The following MCF2L2 variants were observed in gnomAD, a reference collection of about 807,000 sequenced individuals.
MCF2L2 encodes MCF.2 cell line derived transforming sequence-like 2, also known as probable guanine nucleotide exchange factor MCF2L2.
Under a neutral mutation model 150.2 loss-of-function variants are expected in MCF2L2, and 102 were observed. The observed-to-expected ratio is 0.68, with a 90% CI of 0.58 to 0.80. MCF2L2 has a LOEUF of 0.80. Ranked by LOEUF, MCF2L2 falls within the 30% of genes least tolerant of loss-of-function variation. The pLI is 0.00. For missense variants in MCF2L2, 1,256 were observed against 1,372.8 expected, an observed-to-expected ratio of 0.91 and a Z score of 1.34; for synonymous variants, 465 against 491.3, an observed-to-expected ratio of 0.95 and a Z score of 0.71.
intron 5 of MCF2L2, among the ~76,000 whole-genome samples, chr3:183,326,099 G>T (rs1169590058): frequency 6.6e-6 from 1 of 151,830 alleles, no homozygotes; most frequent in Non-Finnish European, 1.5e-5. Flanking sequence ...AAAGAAGAGT[G>T]TGGTAATGAC....
At chr3:183,414,858 C>T (rs1023612876) in intron 1 of MCF2L2, among the ~76,000 whole-genome samples, 1 of 152,114 alleles carries the variant, frequency 6.6e-6, no homozygotes, top group African/African-American at 2.4e-5. Flanking sequence ...TGAATTTTCA[C>T]ATTTCCTTCT....
intron 3 of MCF2L2, among the ~76,000 whole-genome samples, chr3:183,360,114 C>T (rs972515200): frequency 3.3e-5 from 5 of 152,096 alleles, no homozygotes; most frequent in Admixed American, 6.5e-5. Flanking sequence ...CTAGAAGACA[C>T]GGTGAAAATG....
intron 2 of MCF2L2, among the ~76,000 whole-genome samples, chr3:183,386,766 A>G (rs1241807442): frequency 6.6e-6 from 1 of 152,246 alleles, no homozygotes; most frequent in Non-Finnish European, 1.5e-5. Flanking sequence ...AGCAACAACT[A>G]TACAGGCCCC....
chr3:183,260,137 C>G (rs1030840019), intron 15 of MCF2L2, among the ~76,000 whole-genome samples: 1 of 151,918 alleles, frequency 6.6e-6, no homozygotes, highest in Non-Finnish European at 1.5e-5. Flanking sequence ...GCCACAGGGT[C>G]TGGAATTTGT....
Position 183,179,583 on chromosome 3 carries a change from T to G in MCF2L2, c.3215A>C (p.Glu1072Ala). The G allele has an allele frequency of 6.2e-7, 1 of 1,614,114 alleles. No homozygotes were observed. Among genetic ancestry groups the G allele is most frequent in the Non-Finnish European group, 8.5e-7 (1 of 1,179,968 alleles). Residue 1072 changes from glutamate to alanine, a missense_variant, in exon 29 of 30, where the codon GAG (glutamate) becomes GCG (alanine). Glu to Ala is a moderately radical substitution (Grantham distance 107). Coordinates refer to ENST00000328913, the MANE Select transcript of MCF2L2 (RefSeq NM_015078.4). The surrounding 1 kb of genome is among the most constrained non-coding windows in gnomAD (Gnocchi z 4.2). ...SQGEKEERDE[E>A]ETATRSTEEE... ...TTTCCTCGCTCACACTCACGTTTCC[T>G]CCTCATCGCGTTCTTCTTTTTCTCC... is the stretch of plus-strand genomic sequence containing the variant.
At chr3:183,189,514 C>T (rs945249899) in intron 27 of MCF2L2, among the ~76,000 whole-genome samples, 2 of 152,186 alleles carry the variant, frequency 1.3e-5, no homozygotes, top group African/African-American at 4.8e-5. Context: ...AAGTGAATCT[C>T]ACCTTCTTCC....
At position 183,228,375 on chromosome 3, in the gene MCF2L2, A is replaced by G. The variant is rs1233385691; in HGVS notation, c.2046-9T>C. 1.9e-6 allele frequency: 3 copies of G among 1,585,942 alleles called. No individual in the cohort carries two copies. In the African/African-American group the frequency reaches 4.0e-5, roughly 21 times the overall value. ...ACTCTTTTAGAAAAGTCCTAGAAAA[A>G]TAAAAGTATACAAGTAATAATGTTT... On this transcript the variant is annotated splice_polypyrimidine_tract_variant and intron_variant, in intron 17 of 29. Transcript: ENST00000328913.
intron 7 of MCF2L2, among the ~76,000 whole-genome samples, chr3:183,314,528 G>A (rs1729517888): frequency 6.6e-6 from 1 of 152,024 alleles, no homozygotes; most frequent in African/African-American, 2.4e-5. Flanking sequence ...TTGATTGTTT[G>A]GGCGACCAGA....
Position 183,228,293 on chromosome 3 carries a change from T to G in MCF2L2, c.2115+4A>C. 1.2e-6 allele frequency: 2 copies of G among 1,610,906 alleles called. No homozygotes were observed. The highest frequency in any genetic ancestry group is 3.3e-5 in the Admixed American group (2 of 59,992). ...ATGATTATTTACTGGGAGTACAGAC[T>G]TACTCTCTTGAGAAAGCAATGTGCC... On this transcript the variant is annotated splice_donor_region_variant and intron_variant, in intron 18 of 29. Coordinates refer to ENST00000328913, the MANE Select transcript of MCF2L2 (RefSeq NM_015078.4).
intron 1 of MCF2L2, among the ~76,000 whole-genome samples, chr3:183,404,601 G>C (rs897534403): frequency 3.9e-5 from 6 of 152,182 alleles, no homozygotes; most frequent in African/African-American, 1.4e-4. Flanking sequence ...GGTGGCTCAC[G>C]CCTGTAATCC....
intron 5 of MCF2L2, among the ~76,000 whole-genome samples, chr3:183,336,899 A>G (rs1011340031): frequency 6.6e-6 from 1 of 151,024 alleles, no homozygotes; most frequent in East Asian, 1.9e-4. Flanking sequence ...TATTTCCTAG[A>G]AAGTTCCTTT....
chr3:183,281,204 G>A (rs1025668190), intron 14 of MCF2L2, among the ~76,000 whole-genome samples: 11 of 152,122 alleles, frequency 7.2e-5, no homozygotes, highest in African/African-American at 2.2e-4. Context: ...GGAGAAGGGT[G>A]AGAAGAAGGG....
Position 183,270,205 on chromosome 3 carries a change from C to A in MCF2L2, c.1862+6667G>T. On this transcript the variant is annotated intron_variant, in intron 15 of 29. Coordinates refer to ENST00000328913, the MANE Select transcript of MCF2L2 (RefSeq NM_015078.4). The surrounding 1 kb of genome is among the most constrained non-coding windows in gnomAD (Gnocchi z 4.5). ...CTGTTTGCCTTAGGAACTCCTAATC[C>A]ACTGGAGGGAGAAGAACTACAAAGA... 1.2e-6 allele frequency: 2 copies of A among 1,614,122 alleles called. No individual in the cohort carries two copies. Among genetic ancestry groups the A allele is most frequent in the Non-Finnish European group, 1.7e-6 (2 of 1,180,020 alleles).
At chr3:183,298,960 T>G in intron 11 of MCF2L2, 1 of 149,692 alleles carries the variant, frequency 6.7e-6, no homozygotes, top group Non-Finnish European at 1.5e-5. Flanking sequence ...TGGGATGAGG[T>G]AAGCGCCTGG....
chr3:183,338,933 GAA>G lies in MCF2L2; in HGVS notation c.367-16_367-15del. ...TGGAAATGCCACCTGCAAGCATCAGGAAAAGTGTCAGGAGGAGAGAGAAAAAT... is the reference window on the plus strand; with the variant it reads ...TGGAAATGCCACCTGCAAGCATCAGGAAGTGTCAGGAGGAGAGAGAAAAAT... On this transcript the variant is annotated splice_polypyrimidine_tract_variant and intron_variant, in intron 4 of 29. Transcript: ENST00000328913. 1 of 1,593,004 alleles carries G rather than the reference GAA, an allele frequency of 6.3e-7. No homozygotes were observed. The highest frequency in any genetic ancestry group is 8.6e-7 in the Non-Finnish European group (1 of 1,164,886).
chr3:183,252,501 A>G (rs747141484), intron 15 of MCF2L2, among the ~76,000 whole-genome samples: 2 of 152,170 alleles, frequency 1.3e-5, no homozygotes, highest in Non-Finnish European at 2.9e-5. Flanking sequence ...AATGAACAAC[A>G]GTTTTCATTT....
At chr3:183,180,221 T>C in intron 27 of MCF2L2, 62 bp from the exon 28 acceptor site, 1 of 1,066,990 alleles carries the variant, frequency 9.4e-7, no homozygotes, top group African/African-American at 1.6e-5. Context: ...CCTCTGCCCA[T>C]GGCAGGGTGT....
intron 1 of MCF2L2, among the ~76,000 whole-genome samples, chr3:183,423,643 T>G (rs868396738): frequency 6.3e-5 from 9 of 143,358 alleles, no homozygotes; most frequent in East Asian, 4.0e-4. Context: ...TTTTTTTTTT[T>G]TTTTTTTTTT....
At chr3:183,221,614 C>T (rs1342883460) in intron 20 of MCF2L2, among the ~76,000 whole-genome samples, 4 of 152,172 alleles carry the variant, frequency 2.6e-5, no homozygotes, top group East Asian at 1.9e-4. Flanking sequence ...CCATCACTTT[C>T]GTCCTGCTCA....
Sources: allele counts gnomAD v4.1 joint callset (sites outside exome capture counted in the v4.1 genomes callset), GRCh38; gene constraint gnomAD v4.1.1; non-coding constraint Gnocchi (gnomAD v3.1); transcripts MANE v1.5; gene names NCBI Gene and HGNC (gene_info 2026-07-23, HGNC 2026-07-21).